The following ATAD2 variants were observed in gnomAD, a reference collection of about 807,000 sequenced individuals.
ATAD2 encodes ATPase family AAA domain-containing protein 2.
A neutral mutation model predicts 168.9 loss-of-function variants in ATAD2; 62 were observed. That is an observed-to-expected ratio of 0.37 (90% CI 0.30 to 0.45). The LOEUF is 0.45. ATAD2 is among the 20% of genes least tolerant of loss of function. The pLI, the probability that ATAD2 is intolerant of heterozygous loss-of-function variation, is 1.00. For synonymous variants in ATAD2, 613 were observed against 571.6 expected (o/e 1.07, Z -1.03); for missense variants, 1,419 against 1,667.8 (o/e 0.85, Z 2.60).
chr8:123,337,503 A>G (rs1827951734), intron 21 of ATAD2, 122 bp downstream of exon 21: 1 of 897,878 alleles, frequency 1.1e-6, no homozygotes, highest in East Asian at 2.9e-5. Context: ...AACCCGGTAC[A>G]TGTTTCCAAA....
intron 2 of ATAD2, among the ~76,000 whole-genome samples, chr8:123,378,548 A>G (rs571255644): frequency 6.6e-6 from 1 of 151,972 alleles, no homozygotes; most frequent in Admixed American, 6.6e-5. Context: ...CTAAAAATAC[A>G]AAAATTAGCT....
At chr8:123,379,562 A>AT (rs67580328) in intron 2 of ATAD2, among the ~76,000 whole-genome samples, 10 of 130,048 alleles carry the variant, frequency 7.7e-5, no homozygotes, top group African/African-American at 8.6e-5. Context: ...GTACATACTA[A>AT]TTTTTTTTTT....
intron 24 of ATAD2, among the ~76,000 whole-genome samples, chr8:123,329,746 C>CAAAAA (rs68104102): frequency 1.2e-5 from 1 of 84,386 alleles, no homozygotes; most frequent in Non-Finnish European, 2.1e-5. Flanking sequence ...AACTCCGTCT[C>CAAAAA]AAAAAAAAAA....
chr8:123,336,178 C>T (rs1785533178), intron 22 of ATAD2, among the ~76,000 whole-genome samples, 195 bp downstream of exon 22: 1 of 152,000 alleles, frequency 6.6e-6, no homozygotes, highest in African/African-American at 2.4e-5. Flanking sequence ...TCACTCTGTC[C>T]CTTCCTGGAA....
At chr8:123,376,697 G>A (rs546945371) in intron 2 of ATAD2, among the ~76,000 whole-genome samples, 50 of 152,278 alleles carry the variant, frequency 3.3e-4, no homozygotes, top group African/African-American at 1.2e-3. Flanking sequence ...GCTAGCACCT[G>A]TAATCCCAGC....
chr8:123,370,106 A>G, intron 6 of ATAD2, 82 bp from the exon 7 acceptor site: 2 of 1,301,826 alleles, frequency 1.5e-6, no homozygotes, highest in Non-Finnish European at 2.1e-6. Flanking sequence ...TGGGAGAGAA[A>G]GATCCACCCT....
chr8:123,353,315 G>A (rs2131346478), intron 13 of ATAD2, among the ~76,000 whole-genome samples: 1 of 152,134 alleles, frequency 6.6e-6, no homozygotes, highest in African/African-American at 2.4e-5. Context: ...AGTGAGCCAA[G>A]ATCATACCAC....
chr8:123,336,936 G>A (rs1042203502), intron 21 of ATAD2, among the ~76,000 whole-genome samples: 19 of 151,016 alleles, frequency 1.3e-4, no homozygotes, highest in African/African-American at 4.6e-4. Flanking sequence ...GAGGCCAAGA[G>A]TTTGAGACTA....
chr8:123,380,393 T>C, intron 2 of ATAD2, 136 bp downstream of exon 2: 1 of 970,134 alleles, frequency 1.0e-6, no homozygotes, highest in East Asian at 2.6e-5. Flanking sequence ...CTTGTGATCA[T>C]TTATTTTCAA....
upstream of ATAD2, chr8:123,400,861 A>G: frequency 7.2e-7 from 1 of 1,391,538 alleles, no homozygotes; most frequent in Non-Finnish European, 1.0e-6. This position sits in a 1 kb window ranked among gnomAD's most constrained non-coding sequence, Gnocchi z 4.5. Flanking sequence ...CCACAACTGC[A>G]CCCCAGAGTT....
chr8:123,363,391 T>C (rs1263030529), intron 8 of ATAD2, among the ~76,000 whole-genome samples: 1 of 152,198 alleles, frequency 6.6e-6, no homozygotes, highest in Non-Finnish European at 1.5e-5. Context: ...GATGTTAATG[T>C]TGCCACACTA....
At chr8:123,382,247 C>G (rs1829513098) in intron 1 of ATAD2, among the ~76,000 whole-genome samples, 1 of 152,116 alleles carries the variant, frequency 6.6e-6, no homozygotes, top group South Asian at 2.1e-4. Context: ...TTTATCAGGG[C>G]ATTTATTTTT....
chr8:123,377,091 C>CAAAAAAAAAAACAAA (rs1829338950), intron 2 of ATAD2, among the ~76,000 whole-genome samples: 1 of 27,258 alleles, frequency 3.7e-5, no homozygotes, highest in Non-Finnish European at 5.6e-5. Context: ...GACTCCGTCT[C>CAAAAAAAAAAACAAA]AAAAAAAAAA....
intron 26 of ATAD2, 84 bp from the exon 27 acceptor site, chr8:123,323,150 T>C (rs1586851609): frequency 2.1e-6 from 3 of 1,414,478 alleles, no homozygotes; most frequent in East Asian, 4.9e-5. Flanking sequence ...TGGGCAATTA[T>C]TACAAGCCTG....
At chr8:123,345,110 A>C in intron 18 of ATAD2, 41 bp from the exon 19 acceptor site, 2 of 1,523,802 alleles carry the variant, frequency 1.3e-6, no homozygotes, top group Non-Finnish European at 1.8e-6. Flanking sequence ...TAGAGTCAGC[A>C]CGTTAATAAT....
At position 123,369,951 on chromosome 8, in the gene ATAD2, A is replaced by G. The variant is rs751085403; in HGVS notation, c.801T>C (p.Asp267=). 53 of 1,567,786 alleles carry G rather than the reference A, an allele frequency of 3.4e-5. No individual in the cohort carries two copies. The highest frequency in any genetic ancestry group is 1.7e-4 in the Middle Eastern group (1 of 5,952). The change falls in exon 7 of 28, where the codon GAT becomes GAC. Residue 267 remains aspartate, a synonymous_variant. Transcript: ENST00000287394. The part of the protein sequence containing the change: ...GEDEDDEDDD[D]DDDDDDDDDD... The stretch of plus-strand genomic sequence containing the variant: ...CATCATCATCATCATCATCGTCATC[A>G]TCATCATCATCTTCATCATCTTCAT...
intron 1 of ATAD2, among the ~76,000 whole-genome samples, chr8:123,409,077 C>T (rs1331827747): frequency 6.6e-6 from 1 of 152,224 alleles, no homozygotes; most frequent in Non-Finnish European, 1.5e-5. Context: ...CCACTCGCCT[C>T]TGCCCCTCAA....
chr8:123,343,695 G>C (rs780936941), intron 19 of ATAD2, among the ~76,000 whole-genome samples: 1 of 152,136 alleles, frequency 6.6e-6, no homozygotes, highest in South Asian at 2.1e-4. Flanking sequence ...ACAAAAAATA[G>C]TCCCTAATTT....
At position 123,369,966 on chromosome 8, in the gene ATAD2, A is replaced by ATCT. The variant is rs1554645802; in HGVS notation, c.785_786insAGA (p.Asp261_Asp262insGlu). The ATCT allele has an allele frequency of 6.3e-7, 1 of 1,579,398 alleles. No homozygotes were observed. Among genetic ancestry groups the ATCT allele is most frequent in the African/African-American group, 1.3e-5 (1 of 74,108 alleles). ...CATCGTCATCATCATCATCATCTTC[A>ATCT]TCATCTTCATCTTCACCATCATCTT... On this transcript the variant is annotated inframe_insertion, in exon 7 of 28. Coordinates refer to ENST00000287394, the MANE Select transcript of ATAD2 (RefSeq NM_014109.4).
Sources: gnomAD v4.1 joint callset for allele counts (sites outside exome capture counted in the v4.1 genomes callset) on GRCh38, gnomAD v4.1.1 for gene constraint, Gnocchi (gnomAD v3.1) non-coding constraint, MANE v1.5 for transcripts, NCBI Gene and HGNC (gene_info 2026-07-23, HGNC 2026-07-21) for gene names.